Variants in SRGAP1 observed in about 807,000 individuals in gnomAD.
SRGAP1 encodes SLIT-ROBO Rho GTPase-activating protein 1.
A neutral mutation model predicts 121.9 loss-of-function variants in SRGAP1; 43 were observed. The observed-to-expected ratio is 0.35, with a 90% confidence interval of 0.28 to 0.46. The LOEUF is 0.46. SRGAP1 is among the 20% of genes least tolerant of loss of function. SRGAP1 has a pLI of 1.00. For synonymous variants in SRGAP1, 447 were observed against 485.4 expected (o/e 0.92, Z 1.04); for missense variants, 1,102 against 1,350.9 (o/e 0.82, Z 2.89).
intron 1 of SRGAP1, among the ~76,000 whole-genome samples, chr12:63,857,674 G>A (rs1254725758): frequency 3.3e-5 from 5 of 152,088 alleles, no homozygotes; most frequent in Non-Finnish European, 7.3e-5. Context: ...ATGAGCCACC[G>A]TGCCTGGCTG....
At chr12:63,997,616 A>G (rs1431488537) in intron 3 of SRGAP1, among the ~76,000 whole-genome samples, 1 of 152,162 alleles carries the variant, frequency 6.6e-6, no homozygotes, top group African/African-American at 2.4e-5. Context: ...AAGTTGTATA[A>G]TAAAACACAC....
chr12:63,952,976 G>A (rs1345338733), intron 1 of SRGAP1, among the ~76,000 whole-genome samples: 1 of 152,142 alleles, frequency 6.6e-6, no homozygotes, highest in Non-Finnish European at 1.5e-5. Flanking sequence ...CACTTTGCAT[G>A]TATCATTTCA....
At chr12:63,910,977 G>A (rs2030464671) in intron 1 of SRGAP1, among the ~76,000 whole-genome samples, 1 of 152,058 alleles carries the variant, frequency 6.6e-6, no homozygotes. Flanking sequence ...CAATACACTT[G>A]ACAACAAATC....
chr12:64,004,016 C>A (rs1417468340), intron 3 of SRGAP1, among the ~76,000 whole-genome samples: 2 of 152,314 alleles, frequency 1.3e-5, no homozygotes, highest in African/African-American at 4.8e-5. Context: ...AGACTCTCAA[C>A]CCTCTAAATG....
At chr12:64,019,209 A>G (rs1325970508) in intron 4 of SRGAP1, among the ~76,000 whole-genome samples, 1 of 152,196 alleles carries the variant, frequency 6.6e-6, no homozygotes, top group Non-Finnish European at 1.5e-5. Flanking sequence ...AGAGATATAT[A>G]TAATTAAATT....
chr12:64,102,606 A>G (rs1250867533), intron 15 of SRGAP1, among the ~76,000 whole-genome samples: 1 of 152,098 alleles, frequency 6.6e-6, no homozygotes, highest in African/African-American at 2.4e-5. Context: ...GCAATCACTA[A>G]TCTACTTTCC....
At chr12:63,972,036 T>C (rs1349786725) in intron 1 of SRGAP1, among the ~76,000 whole-genome samples, 1 of 152,172 alleles carries the variant, frequency 6.6e-6, no homozygotes, top group East Asian at 1.9e-4. Flanking sequence ...AATAAGAAAG[T>C]TGCCAATAGA....
rs997210683 is a variant in SRGAP1 at position 63,900,611 on chromosome 12, G to A, written c.67+55728G>A. On this transcript the variant is annotated intron_variant, in intron 1 of 21. Coordinates refer to ENST00000355086, the MANE Select transcript of SRGAP1 (RefSeq NM_020762.4). ...GAGGATCAGATGAGGCCAGGAGTTC[G>A]AGACCAGCCTGGGCAACATGGCAAA... 4.0e-4 allele frequency among the ~76,000 whole-genome samples: 61 copies of A among 151,980 alleles called. 3 individuals carry two copies. Among genetic ancestry groups the A allele is most frequent in the Non-Finnish European group, 1.9e-4 (13 of 67,956 alleles).
At chr12:63,998,757 A>G (rs1371992301) in intron 3 of SRGAP1, among the ~76,000 whole-genome samples, 2 of 152,206 alleles carry the variant, frequency 1.3e-5, no homozygotes, top group Non-Finnish European at 2.9e-5. Context: ...GCAAGCATGA[A>G]CTTCCTTAGA....
intron 17 of SRGAP1, among the ~76,000 whole-genome samples, chr12:64,115,419 C>CT (rs1002988459): frequency 5.3e-5 from 8 of 152,130 alleles, no homozygotes; most frequent in African/African-American, 1.9e-4. Context: ...CTCTTTTGTC[C>CT]TTATAGAGTC....
intron 3 of SRGAP1, among the ~76,000 whole-genome samples, chr12:64,012,165 A>G (rs2034271161): frequency 6.6e-6 from 1 of 152,238 alleles, no homozygotes; most frequent in Non-Finnish European, 1.5e-5. Flanking sequence ...GAAAAAGATT[A>G]AAAACTTTGA....
In SRGAP1 at chr12:64,144,836, C is replaced by CCTTTTTTTTTT. The variant is rs2037024646; in HGVS notation, c.*2164_*2165insCTTTTTTTTTT. ...TTAAACTTTCCAAAATAATCCCCCACTTTTTTTTTTTTTTTTTTTTTTTTT... is the reference window on the plus strand; with the variant it reads ...TTAAACTTTCCAAAATAATCCCCCACCTTTTTTTTTTTTTTTTTTTTTTTTTTTTTTTTTTT... On this transcript the variant is annotated 3_prime_UTR_variant, in exon 22 of 22. Coordinates refer to ENST00000355086, the MANE Select transcript of SRGAP1 (RefSeq NM_020762.4). The CCTTTTTTTTTT allele has an allele frequency of 1.3e-5, 1 of 79,450 alleles. No homozygotes were observed. The highest frequency in any genetic ancestry group is 2.2e-5 in the Non-Finnish European group (1 of 44,844). The allele number at this position is 79,450 out of a possible 1,614,324, so 4.9% of individuals were successfully genotyped here.
At chr12:64,067,826 T>G (rs745821123) in intron 8 of SRGAP1, among the ~76,000 whole-genome samples, 4 of 151,418 alleles carry the variant, frequency 2.6e-5, no homozygotes, top group Non-Finnish European at 5.9e-5. Context: ...TTCAGTACAA[T>G]AAATACTGAA....
At position 64,078,955 on chromosome 12, in the gene SRGAP1, C is replaced by G; in HGVS notation, c.1162C>G (p.Gln388Glu). ...KTTEATLQTIQDMVTIEDYDV... is the reference protein window; with the variant it reads ...KTTEATLQTIEDMVTIEDYDV... ...GACTGAAGCCACCTTGCAGACGATA[C>G]AAGATATGGTCACCATCGAGGACTA... The change falls in exon 9 of 22, where the codon CAA (glutamine) becomes GAA (glutamate). Residue 388 changes from glutamine to glutamate, a missense_variant. Around this residue, in one of 3 missense-constraint regions of SRGAP1, gnomAD observed 747 missense variants for 929.4 expected, o/e 0.80. Transcript: ENST00000355086. 3 of 1,614,022 alleles carry G rather than the reference C, an allele frequency of 1.9e-6. No homozygotes were observed. Among genetic ancestry groups the G allele is most frequent in the Non-Finnish European group, 2.5e-6 (3 of 1,179,996 alleles).
intron 1 of SRGAP1, 111 bp from the exon 2 acceptor site, chr12:63,983,831 TATATA>T: frequency 1.7e-5 from 2 of 116,052 alleles, no homozygotes; most frequent in East Asian, 5.0e-4. Flanking sequence ...TATATATATA[TATATA>T]TATATATATA....
chr12:64,109,005 A>AGCT lies in SRGAP1; in HGVS notation c.1888_1889insCTG (p.Ile629_Val630insAla). 1 of 1,588,352 alleles carries AGCT rather than the reference A, an allele frequency of 6.3e-7. No individual in the cohort carries two copies. The highest frequency in any genetic ancestry group is 8.6e-7 in the Non-Finnish European group (1 of 1,163,002). On this transcript the variant is annotated inframe_insertion, in exon 16 of 22. Coordinates refer to ENST00000355086, the MANE Select transcript of SRGAP1 (RefSeq NM_020762.4). ...TGACTTTGCCCAGGTCGGTCCTTAT[A>AGCT]GTGATGAGGTACCTCTTTGCCTTCC...
chr12:64,041,403 G>A (rs887485177), intron 4 of SRGAP1, among the ~76,000 whole-genome samples: 5 of 116,030 alleles, frequency 4.3e-5, no homozygotes, highest in Admixed American at 8.6e-5. Flanking sequence ...TTATTTTTTT[G>A]AGGCAAGGTC....
chr12:64,073,210 G>C (rs943506387), intron 8 of SRGAP1, among the ~76,000 whole-genome samples: 1 of 152,108 alleles, frequency 6.6e-6, no homozygotes, highest in Non-Finnish European at 1.5e-5. Context: ...GGTGGCTTCT[G>C]TCACATCCTT....
At chr12:64,115,712 G>A in intron 17 of SRGAP1, 102 bp from the exon 18 acceptor site, 1 of 821,702 alleles carries the variant, frequency 1.2e-6, no homozygotes, top group East Asian at 2.9e-5. Context: ...AGTGAGCCAA[G>A]ATCACACCAC....
Sources: allele counts gnomAD v4.1 joint callset (sites outside exome capture counted in the v4.1 genomes callset), GRCh38; gene constraint gnomAD v4.1.1; regional missense constraint gnomAD v4.1.1; transcripts MANE v1.5; gene names NCBI Gene and HGNC (gene_info 2026-07-23, HGNC 2026-07-21).